Variants in SIGLEC1 observed in about 807,000 individuals in gnomAD.
SIGLEC1 encodes sialoadhesin.
A neutral mutation model predicts 148.0 loss-of-function variants in SIGLEC1; 132 were observed. The ratio of observed to expected loss-of-function variants is 0.89; its 90% CI spans 0.77 to 1.03. The LOEUF is 1.03. SIGLEC1 is among the 50% of genes least tolerant of loss of function. SIGLEC1 has a pLI of 0.00. For synonymous variants in SIGLEC1, 945 were observed against 969.0 expected, an observed-to-expected ratio of 0.98 and a Z score of 0.46; for missense variants, 2,253 against 2,271.4, an observed-to-expected ratio of 0.99 and a Z score of 0.16.
rs1275992505 is a variant in SIGLEC1, at chr20:3,706,721, GCAGGGGGA to G, written c.50-23_50-16del. 1 of 1,528,052 alleles carries G rather than the reference GCAGGGGGA, an allele frequency of 6.5e-7. No individual in the cohort carries two copies. The highest frequency in any genetic ancestry group is 1.2e-5 in the South Asian group (1 of 82,398). The allele number at this position is 1,528,052 out of a possible 1,614,324, so 94.7% of individuals were successfully genotyped here. ...TGAGGCCTGGCCTGGGGGAAGAACG[GCAGGGGGA>G]CAGAGGGGAGGGTGATACAGGCCTC... On this transcript the variant is annotated splice_polypyrimidine_tract_variant and intron_variant, in intron 2 of 21. Coordinates refer to ENST00000344754, the MANE Select transcript of SIGLEC1 (RefSeq NM_023068.4).
rs1165724720 is a variant in SIGLEC1, at chr20:3,703,862, G to T, written c.936C>A (p.Gly312=). 12 of 1,613,948 alleles carry T rather than the reference G, an allele frequency of 7.4e-6. No individual in the cohort carries two copies. Among genetic ancestry groups the T allele is most frequent in the Non-Finnish European group, 9.3e-6 (11 of 1,180,022 alleles). ...GGCTGATGGGGGGTGAGACCAAAGA[G>T]CCCACGCCGTTCTCAGCTTGGCAGG... ...VYTCQAENGV[G]SLVSPPISLH... is the part of the protein sequence containing the mutation. Residue 312 remains glycine, a synonymous_variant, in exon 5 of 22, where the codon GGC becomes GGA. Transcript: ENST00000344754.
At position 3,710,001 on chromosome 20, in the gene SIGLEC1, C is replaced by T. The variant is rs2087919866; in HGVS notation, c.-110+2469G>A. ...TGGTTACACAATATTGCAAATGTAC[C>T]TAATGTCATGGGGTGTACACTTAAA... On this transcript the variant is annotated intron_variant, in intron 1 of 21. Transcript: ENST00000344754. The surrounding 1 kb of genome is among the most constrained non-coding windows in gnomAD (Gnocchi z 4.6). Among the ~76,000 whole-genome samples, 1 of 152,122 alleles carries T rather than the reference C, an allele frequency of 6.6e-6. No homozygotes were observed. The highest frequency in any genetic ancestry group is 6.5e-5 in the Admixed American group (1 of 15,270).
intron 6 of SIGLEC1, 163 bp downstream of exon 6, chr20:3,703,034 T>A: frequency 1.4e-6 from 1 of 694,574 alleles, no homozygotes. Context: ...ACTAGGGAGG[T>A]CAAAGCATTG....
intron 7 of SIGLEC1, among the ~76,000 whole-genome samples, chr20:3,701,023 CT>C (rs2087846954): frequency 6.6e-6 from 1 of 152,116 alleles, no homozygotes; most frequent in Non-Finnish European, 1.5e-5. Context: ...TTCTATTTGG[CT>C]TCCCACATCT....
At chr20:3,695,727 G>A (rs1025033935) in intron 11 of SIGLEC1, among the ~76,000 whole-genome samples, 1 of 152,126 alleles carries the variant, frequency 6.6e-6, no homozygotes, top group African/African-American at 2.4e-5. Context: ...TGGTGCTGTC[G>A]GTCACCGTGG....
chr20:3,692,820 T>G, intron 15 of SIGLEC1, 42 bp downstream of exon 15: 1 of 1,601,204 alleles, frequency 6.2e-7, no homozygotes. Flanking sequence ...GACACCACAG[T>G]GGGCTTCCAT....
chr20:3,702,011 C>T (rs1047385173), intron 6 of SIGLEC1, among the ~76,000 whole-genome samples: 2 of 152,112 alleles, frequency 1.3e-5, no homozygotes, highest in South Asian at 4.1e-4. Flanking sequence ...AGCATGTCCG[C>T]GGCCTTCCCA....
In SIGLEC1 at chr20:3,690,824, C is replaced by CTTTTTTTTTTTTTTTTTTTTT. The variant is rs200631809; in HGVS notation, c.4591+515_4591+516insAAAAAAAAAAAAAAAAAAAAA. Among the ~76,000 whole-genome samples, 30 of 126,870 alleles carry CTTTTTTTTTTTTTTTTTTTTT rather than the reference C, an allele frequency of 2.4e-4. 2 individuals are homozygous for CTTTTTTTTTTTTTTTTTTTTT. Among genetic ancestry groups the CTTTTTTTTTTTTTTTTTTTTT allele is most frequent in the African/African-American group, 1.0e-3 (30 of 29,908 alleles). The allele number at this position is 126,870 out of a possible 152,430, so 83.2% of individuals were successfully genotyped here. A position where few individuals can be genotyped will look rare whatever the true frequency, so the allele number is the denominator to read the frequency against. On this transcript the variant is annotated intron_variant, in intron 18 of 21. Transcript: ENST00000344754. The stretch of plus-strand genomic sequence containing the variant: ...TTCTTTTGGTTTTTTCTCTTCTTTT[C>CTTTTTTTTTTTTTTTTTTTTT]TTTTCTTTTTTTTTTTTTTTTCTTG...
rs1159114912 is a variant in SIGLEC1 at position 3,687,254 on chromosome 20, C to T, written c.*1306G>A. 6.6e-6 allele frequency: 1 copy of T among 152,290 alleles called. No individual in the cohort carries two copies. Among genetic ancestry groups the T allele is most frequent in the Non-Finnish European group, 1.5e-5 (1 of 68,066 alleles). The allele number at this position is 152,290 out of a possible 1,614,324, so 9.4% of individuals were successfully genotyped here. On this transcript the variant is annotated 3_prime_UTR_variant, in exon 22 of 22. Coordinates refer to ENST00000344754, the MANE Select transcript of SIGLEC1 (RefSeq NM_023068.4). Reference sequence around the variant, plus strand: ...AGTCACTAGCCCACTCAAGAGCTCTCTCCTGTTGGTCCCTGATTCGCAGGG... The same window carrying T: ...AGTCACTAGCCCACTCAAGAGCTCTTTCCTGTTGGTCCCTGATTCGCAGGG...
Position 3,703,183 on chromosome 20 carries a change from C to T in SIGLEC1, c.1228+14G>A, listed in dbSNP as rs774354871. 9.3e-6 allele frequency: 15 copies of T among 1,613,660 alleles called. No homozygotes were observed. In the South Asian group the frequency reaches 1.5e-4, roughly 17 times the overall value. ...TCTGACTGTGTCCAGTGCCACCCCA[C>T]CCTGGCCTCTTACGGTTGACTACCA... is the stretch of plus-strand genomic sequence containing the variant. On this transcript the variant is annotated intron_variant, in intron 6 of 21. Coordinates refer to ENST00000344754, the MANE Select transcript of SIGLEC1 (RefSeq NM_023068.4).
At position 3,699,418 on chromosome 20, in the gene SIGLEC1, C is replaced by T. The variant is rs954049093; in HGVS notation, c.1570G>A (p.Gly524Arg). The T allele has an allele frequency of 1.4e-5, 22 of 1,609,984 alleles. No individual in the cohort carries two copies. Among genetic ancestry groups the T allele is most frequent in the Non-Finnish European group, 1.8e-5 (21 of 1,178,882 alleles). ...LISPAAEVVE[G>R]QAVTLSCRSG... ...CTGCAGCTCAGTGTCACTGCCTGTC[C>T]TTCCACCACCTCGGCTGCCGGGCTG... The change falls in exon 8 of 22, where the codon GGA (glycine) becomes AGA (arginine). Residue 524 changes from glycine to arginine, a missense_variant. Transcript: ENST00000344754.
chr20:3,691,347 A>G lies in SIGLEC1; in HGVS notation c.4584T>C (p.Arg1528=). Residue 1528 remains arginine (R), a synonymous_variant, in exon 18 of 22, where the codon CGT becomes CGC. Coordinates refer to ENST00000344754, the MANE Select transcript of SIGLEC1 (RefSeq NM_023068.4). ...GAAASAPVML[R]VLYPPKTPTM... ...GAGGGGGTTCACACTCACAGAGCAC[A>G]CGGAGCATGACTGGAGCAGAGGCAG... 6.2e-7 allele frequency: 1 copy of G among 1,613,512 alleles called. No individual in the cohort carries two copies.
Position 3,691,464 on chromosome 20 carries a change from G to A in SIGLEC1, c.4467C>T (p.His1489=), listed in dbSNP as rs772977310. The A allele has an allele frequency of 2.5e-5, 41 of 1,613,050 alleles. No individual in the cohort carries two copies. Among genetic ancestry groups the A allele is most frequent in the South Asian group, 2.4e-4 (22 of 91,092 alleles). The change falls in exon 18 of 22, where the codon CAC becomes CAT. Residue 1489 remains histidine (H), a synonymous_variant. Coordinates refer to ENST00000344754, the MANE Select transcript of SIGLEC1 (RefSeq NM_023068.4). ...FAWFWNDRRL[H]AEPVPTLAFT... ...AGGCGAGAGTGGGCACAGGCTCCGC[G>A]TGCAGCCGCCGGTCATTCCAGAACC...
chr20:3,703,513 C>T (rs376017240), intron 5 of SIGLEC1, 62 bp from the exon 6 acceptor site: 1 of 1,528,974 alleles, frequency 6.5e-7, no homozygotes, highest in Non-Finnish European at 8.8e-7. Flanking sequence ...CAGCCCCATA[C>T]AGTCCCCGGG....
intron 7 of SIGLEC1, among the ~76,000 whole-genome samples, chr20:3,700,278 C>G (rs1292495556): frequency 6.6e-6 from 1 of 151,828 alleles, no homozygotes; most frequent in African/African-American, 2.4e-5. Context: ...CCACCACACC[C>G]GGCTAATTTT....
At chr20:3,693,320 C>G in intron 14 of SIGLEC1, 127 bp downstream of exon 14, 1 of 1,227,636 alleles carries the variant, frequency 8.1e-7, no homozygotes, top group Non-Finnish European at 1.1e-6. Flanking sequence ...ATGCTCCTTG[C>G]CCAGTGCTCC....
intron 13 of SIGLEC1, 84 bp downstream of exon 13, chr20:3,694,137 T>C: frequency 6.9e-7 from 1 of 1,450,114 alleles, no homozygotes; most frequent in Non-Finnish European, 9.3e-7. Context: ...CCCCCAGGCT[T>C]CTAGAACCCT....
chr20:3,704,221 A>C, intron 4 of SIGLEC1, 130 bp from the exon 5 acceptor site: 2 of 849,092 alleles, frequency 2.4e-6, no homozygotes, highest in South Asian at 1.7e-5. Flanking sequence ...GTCCCCTTCA[A>C]TCCTCACCCA....
intron 1 of SIGLEC1, among the ~76,000 whole-genome samples, chr20:3,709,285 T>C (rs140679802): frequency 3.5e-4 from 53 of 152,258 alleles, no homozygotes; most frequent in Middle Eastern, 3.4e-3. Context: ...AAAGAAGATA[T>C]ATAACTGGCT....
Sources: allele counts gnomAD v4.1 joint callset (sites outside exome capture counted in the v4.1 genomes callset), GRCh38; gene constraint gnomAD v4.1.1; non-coding constraint Gnocchi (gnomAD v3.1); transcripts MANE v1.5; gene names NCBI Gene and HGNC (gene_info 2026-07-23, HGNC 2026-07-21).